The following DLG2 variants were observed in gnomAD, a reference collection of about 807,000 sequenced individuals.
The protein encoded by DLG2 is discs large MAGUK scaffold protein 2, also known as disks large homolog 2.
In DLG2, 45 loss-of-function variants were observed where a neutral mutation model predicts 132.5. The ratio of observed to expected loss-of-function variants is 0.34; its 90% CI spans 0.27 to 0.44. DLG2 has a LOEUF of 0.44. Ranked by LOEUF, DLG2 falls within the 20% of genes least tolerant of loss-of-function variation. The pLI is 1.00. For missense variants in DLG2, 1,045 were observed against 1,196.9 expected (o/e 0.87, Z 1.87); for synonymous variants, 424 against 419.6 (o/e 1.01, Z -0.13).
intron 6 of DLG2, among the ~76,000 whole-genome samples, chr11:85,028,839 C>T (rs2060769908): frequency 1.3e-5 from 2 of 152,066 alleles, no homozygotes; most frequent in Admixed American, 6.5e-5. Flanking sequence ...GCCCCCACCC[C>T]TCCAACTCTG....
chr11:84,353,083 T>C lies in DLG2; in HGVS notation c.520-101792A>G, dbSNP rs577344426. On this transcript the variant is annotated intron_variant, in intron 7 of 27. Coordinates refer to ENST00000376104, the MANE Select transcript of DLG2 (RefSeq NM_001142699.3). ...CAATATATTTTCTCTCCAGATATCA[T>C]TGTGTCTCCCTCCTATTTGCAAACA... Among the ~76,000 whole-genome samples, 4 of 152,302 alleles carry C rather than the reference T, an allele frequency of 2.6e-5. No individual in the cohort carries two copies. In the South Asian group the frequency reaches 6.2e-4, roughly 24 times the overall value.
At chr11:84,251,626 T>G (rs1266688545) in intron 7 of DLG2, among the ~76,000 whole-genome samples, 4 of 146,492 alleles carry the variant, frequency 2.7e-5, no homozygotes, top group Non-Finnish European at 5.9e-5. Context: ...GAGTTAAAAC[T>G]TGTATCTTTT....
At chr11:83,597,815 A>AAAC (rs151252207) in intron 19 of DLG2, among the ~76,000 whole-genome samples, 91 of 132,428 alleles carry the variant, frequency 6.9e-4, no homozygotes, top group African/African-American at 2.7e-3. Context: ...ACAAACAAAC[A>AAAC]AACACAAAAA....
intron 18 of DLG2, among the ~76,000 whole-genome samples, chr11:83,728,153 G>A (rs914401093): frequency 3.3e-5 from 5 of 152,050 alleles, no homozygotes; most frequent in Admixed American, 6.6e-5. Context: ...CTCCAAACTT[G>A]CTCCTTCCCT....
In DLG2 at chr11:84,908,761, G is replaced by A. The variant is rs141260733; in HGVS notation, c.357+202900C>T. ...CCATGGAGGGCTTGTAAGATGGGAT[G>A]CTAATGTCTATCATATAAACAAAGA... On this transcript the variant is annotated intron_variant, in intron 6 of 27. Transcript: ENST00000376104. Among the ~76,000 whole-genome samples the A allele has an allele frequency of 9.9e-4, 150 of 151,446 alleles. 1 individual carries two copies. The highest frequency in any genetic ancestry group is 3.5e-3 in the African/African-American group (146 of 41,332).
intron 8 of DLG2, among the ~76,000 whole-genome samples, chr11:84,174,012 G>T (rs1372804085): frequency 2.3e-4 from 3 of 13,184 alleles, no homozygotes; most frequent in Admixed American, 9.4e-4. Flanking sequence ...TCACCCCCCG[G>T]CCTTTTTTTT....
At chr11:84,737,646 G>T (rs1406690104) in intron 6 of DLG2, among the ~76,000 whole-genome samples, 1 of 152,004 alleles carries the variant, frequency 6.6e-6, no homozygotes, top group Non-Finnish European at 1.5e-5. Context: ...TGTGGTGAAG[G>T]ATTGGAATGG....
At chr11:83,886,430 G>A (rs2067919847) in intron 15 of DLG2, among the ~76,000 whole-genome samples, 1 of 152,278 alleles carries the variant, frequency 6.6e-6, no homozygotes, top group African/African-American at 2.4e-5. Context: ...CAATACATGA[G>A]CACCCAGATT....
intron 6 of DLG2, among the ~76,000 whole-genome samples, chr11:84,954,751 G>T (rs563767497): frequency 2.6e-5 from 4 of 152,228 alleles, no homozygotes; most frequent in Admixed American, 2.6e-4. Flanking sequence ...ATTCCATAAG[G>T]ATTGAGATTT....
At chr11:84,686,663 C>A (rs552917671) in intron 6 of DLG2, 1 of 143,642 alleles carries the variant, frequency 7.0e-6, no homozygotes. Flanking sequence ...ATGCTATACA[C>A]CATGTAACAT....
intron 7 of DLG2, among the ~76,000 whole-genome samples, chr11:84,533,905 CAAAAAAAAAA>C (rs558597260): frequency 5.7e-5 from 4 of 70,276 alleles, no homozygotes; most frequent in African/African-American, 1.6e-4. Flanking sequence ...CCAGTTCAGC[CAAAAAAAAAA>C]AAAAAAAAAA....
chr11:85,468,480 T>C (rs1209662393), intron 3 of DLG2, among the ~76,000 whole-genome samples: 1 of 152,232 alleles, frequency 6.6e-6, no homozygotes, highest in Non-Finnish European at 1.5e-5. Flanking sequence ...CACACTGCTT[T>C]GAATGTGTCC....
chr11:84,280,864 C>G (rs1441545532), intron 7 of DLG2, among the ~76,000 whole-genome samples: 1 of 113,480 alleles, frequency 8.8e-6, no homozygotes. Flanking sequence ...CCATGCCCAG[C>G]CAATTTTTTT....
At chr11:85,584,374 G>A (rs995695849) in intron 3 of DLG2, among the ~76,000 whole-genome samples, 1 of 138,906 alleles carries the variant, frequency 7.2e-6, no homozygotes, top group Non-Finnish European at 1.6e-5. Flanking sequence ...GTGTGTGTGT[G>A]TGTGTGTATC....
chr11:84,120,751 A>G (rs2093871934), intron 9 of DLG2, among the ~76,000 whole-genome samples: 1 of 152,238 alleles, frequency 6.6e-6, no homozygotes, highest in African/African-American at 2.4e-5. Flanking sequence ...AACAAAATAG[A>G]ACTACAGGCA....
At chr11:85,116,001 T>C (rs1055020141) in intron 5 of DLG2, among the ~76,000 whole-genome samples, 5 of 151,840 alleles carry the variant, frequency 3.3e-5, no homozygotes, top group African/African-American at 1.2e-4. Flanking sequence ...CCCTCCTGAG[T>C]TTAATCTTTG....
At chr11:84,798,954 T>G (rs2075030535) in intron 6 of DLG2, among the ~76,000 whole-genome samples, 1 of 152,046 alleles carries the variant, frequency 6.6e-6, no homozygotes, top group Non-Finnish European at 1.5e-5. Flanking sequence ...CAAGACAACG[T>G]CCTCTTTACT....
intron 2 of DLG2, among the ~76,000 whole-genome samples, chr11:85,604,489 A>C (rs2080386711): frequency 6.6e-6 from 1 of 152,242 alleles, no homozygotes; most frequent in African/African-American, 2.4e-5. Context: ...TAAAGTGGAA[A>C]GCTGAGATAA....
At chr11:84,520,751 T>C (rs981359177) in intron 7 of DLG2, among the ~76,000 whole-genome samples, 1 of 152,030 alleles carries the variant, frequency 6.6e-6, no homozygotes, top group Admixed American at 6.6e-5. Flanking sequence ...ACACAGGAAT[T>C]TGAGTGTGGA....
Sources: allele counts gnomAD v4.1 joint callset (sites outside exome capture counted in the v4.1 genomes callset), GRCh38; gene constraint gnomAD v4.1.1; transcripts MANE v1.5; gene names NCBI Gene and HGNC (gene_info 2026-07-23, HGNC 2026-07-21).